The following AKNA variants were observed in gnomAD, a reference collection of about 807,000 sequenced individuals.
The protein encoded by AKNA is AT-hook transcription factor, also known as microtubule organization protein AKNA.
AKNA carries 67 observed loss-of-function variants against 138.8 expected under a neutral mutation model. That is an observed-to-expected ratio of 0.48 (90% confidence interval 0.40 to 0.59). The LOEUF (loss-of-function observed/expected upper bound fraction) is 0.59. AKNA is among the 20% of genes least tolerant of loss of function. The pLI is 0.00. For missense variants in AKNA, 1,813 were observed against 1,880.4 expected (o/e 0.96, Z 0.66); for synonymous variants, 737 against 754.4 (o/e 0.98, Z 0.38).
chr9:114,366,979 CTTCT>C (rs1319731276), intron 6 of AKNA, among the ~76,000 whole-genome samples: 2 of 152,170 alleles, frequency 1.3e-5, no homozygotes, highest in African/African-American at 4.8e-5. Context: ...AGTTTTCTCA[CTTCT>C]GTTTTCAGAA....
Position 114,364,547 on chromosome 9 carries a change from A to T in AKNA, c.1788+13T>A, listed in dbSNP as rs1186586946. 1 of 1,613,642 alleles carries T rather than the reference A, an allele frequency of 6.2e-7. No homozygotes were observed. The highest frequency in any genetic ancestry group is 8.5e-7 in the Non-Finnish European group (1 of 1,179,990). ...CTGGCAGTTCCATGGGTGGCTCCTG[A>T]ATTGGGCAGTACCTTGACTTGGTCC... On this transcript the variant is annotated intron_variant, in intron 7 of 21. Coordinates refer to ENST00000374088, the MANE Select transcript of AKNA (RefSeq NM_001317950.2).
At position 114,341,744 on chromosome 9, in the gene AKNA, C is replaced by A; in HGVS notation, c.3875-19G>T. ...TCTGCCCCTATCAGGGAGGGAACAG[C>A]ACAGAGAGACAGAGTCTGACCACTT... On this transcript the variant is annotated intron_variant, in intron 20 of 21. Coordinates refer to ENST00000374088, the MANE Select transcript of AKNA (RefSeq NM_001317950.2). 2 of 1,542,542 alleles carry A rather than the reference C, an allele frequency of 1.3e-6. No homozygotes were observed. Among genetic ancestry groups the A allele is most frequent in the South Asian group, 2.6e-5 (2 of 78,370 alleles).
chr9:114,380,920 C>G (rs1456647005), intron 2 of AKNA, 140 bp downstream of exon 2: 62 of 973,962 alleles, frequency 6.4e-5, no homozygotes, highest in Non-Finnish European at 8.0e-5. Flanking sequence ...GAGGCAGAGG[C>G]TGTAGTGAGC....
intron 5 of AKNA, 151 bp downstream of exon 5, chr9:114,368,288 C>G: frequency 1.1e-6 from 1 of 889,212 alleles, no homozygotes; most frequent in Non-Finnish European, 1.5e-6. Context: ...ATCTCTGACC[C>G]TTTTGAGTCA....
chr9:114,384,277 C>A (rs1833883572), intron 1 of AKNA, among the ~76,000 whole-genome samples: 3 of 152,090 alleles, frequency 2.0e-5, no homozygotes, highest in African/African-American at 7.2e-5. Flanking sequence ...TAAAAAGATG[C>A]AATCGAAAAT....
chr9:114,387,228 C>T (rs1438636328), intron 1 of AKNA, among the ~76,000 whole-genome samples: 1 of 152,186 alleles, frequency 6.6e-6, no homozygotes, highest in Non-Finnish European at 1.5e-5. Context: ...AAGGGGTTCC[C>T]ACCAGCTGTG....
At chr9:114,368,849 G>C (rs1832564101) in intron 4 of AKNA, among the ~76,000 whole-genome samples, 1 of 152,198 alleles carries the variant, frequency 6.6e-6, no homozygotes, top group Non-Finnish European at 1.5e-5. Context: ...CTGAGACACA[G>C]AGAGGTTATT....
chr9:114,331,887 G>A (rs1829859652), downstream of AKNA: 1 of 1,613,888 alleles, frequency 6.2e-7, no homozygotes, highest in Non-Finnish European at 8.5e-7. Context: ...TCGACTGCTT[G>A]TGCATTCCCA....
At chr9:114,346,808 T>C in intron 16 of AKNA, 24 bp from the exon 17 acceptor site, 1 of 1,595,854 alleles carries the variant, frequency 6.3e-7, no homozygotes, top group South Asian at 1.1e-5. Context: ...AGAGAGATGA[T>C]GTCATTGGAT....
chr9:114,332,214 G>A (rs1339677084), downstream of AKNA, among the ~76,000 whole-genome samples: 2 of 151,900 alleles, frequency 1.3e-5, no homozygotes, highest in Non-Finnish European at 2.9e-5. Flanking sequence ...TGGAGGGGAC[G>A]TAATGCGGGG....
At chr9:114,342,909 C>A (rs576713750) in intron 19 of AKNA, among the ~76,000 whole-genome samples, 1 of 152,184 alleles carries the variant, frequency 6.6e-6, no homozygotes, top group Non-Finnish European at 1.5e-5. Flanking sequence ...AACGGAGAGG[C>A]CTGTCAGGAC....
At position 114,335,873 on chromosome 9, in the gene AKNA, GC is replaced by G. The variant is rs1829970808; in HGVS notation, c.*1180del. 6.6e-6 allele frequency: 1 copy of G among 152,108 alleles called. No individual in the cohort carries two copies. Among genetic ancestry groups the G allele is most frequent in the Non-Finnish European group, 1.5e-5 (1 of 68,046 alleles). The allele number at this position is 152,108 out of a possible 1,614,324, so 9.4% of individuals were successfully genotyped here. Reference sequence around the variant, plus strand: ...TCTTGTAGACAGCAACTTGCTGTGTGCCTCATTTACATCTCTGGCCTCAGTC... The same window carrying G: ...TCTTGTAGACAGCAACTTGCTGTGTGCTCATTTACATCTCTGGCCTCAGTC... On this transcript the variant is annotated 3_prime_UTR_variant, in exon 22 of 22. Transcript: ENST00000374088.
At chr9:114,373,364 G>T (rs1250569208) in intron 4 of AKNA, among the ~76,000 whole-genome samples, 1 of 152,200 alleles carries the variant, frequency 6.6e-6, no homozygotes, top group Non-Finnish European at 1.5e-5. Context: ...GGGAGAGGCT[G>T]TGGTGAGGTG....
At position 114,376,755 on chromosome 9, in the gene AKNA, C is replaced by T. The variant is rs552700642; in HGVS notation, c.1052G>A (p.Arg351Gln). The stretch of plus-strand genomic sequence containing the variant: ...AGGGAGTGGGTAGTTCAACTGCCCC[C>T]GGCCATACTTGGGGGCATTAGAAGA... ...RSSSNAPKYG[R>Q]GQLNYPLPDF... The change falls in exon 3 of 22, where the codon CGG becomes CAG. Residue 351 changes from arginine to glutamine, a missense_variant. Transcript: ENST00000374088. The T allele has an allele frequency of 6.9e-5, 112 of 1,612,548 alleles. 1 individual carries two copies. In the South Asian group the frequency reaches 8.9e-4, roughly 13 times the overall value.
At chr9:114,356,167 G>A (rs1263876317) in intron 13 of AKNA, 31 bp from the exon 14 acceptor site, 7 of 1,592,256 alleles carry the variant, frequency 4.4e-6, no homozygotes, top group African/African-American at 1.3e-5. Flanking sequence ...GGACACACAG[G>A]GGTCACACAG....
chr9:114,376,385 AG>A (rs1589017315), intron 3 of AKNA, 80 bp downstream of exon 3: 4 of 1,330,228 alleles, frequency 3.0e-6, no homozygotes, highest in Non-Finnish European at 3.1e-6. Context: ...CCTCTACTCC[AG>A]GCCTCCCCAC....
At chr9:114,385,782 G>A (rs1833988851) in intron 1 of AKNA, among the ~76,000 whole-genome samples, 1 of 152,218 alleles carries the variant, frequency 6.6e-6, no homozygotes, top group Non-Finnish European at 1.5e-5. Flanking sequence ...CAAAGCCCCA[G>A]AACTGGCCAG....
upstream of AKNA, among the ~76,000 whole-genome samples, chr9:114,397,818 G>A (rs1834578109): frequency 6.6e-6 from 1 of 152,172 alleles, no homozygotes; most frequent in Non-Finnish European, 1.5e-5. Context: ...ACCATTGTCA[G>A]GGCTGCCTAC....
At chr9:114,364,168 G>GGA (rs1165691707) in intron 7 of AKNA, among the ~76,000 whole-genome samples, 1 of 151,812 alleles carries the variant, frequency 6.6e-6, no homozygotes, top group African/African-American at 2.4e-5. Context: ...TTATGACCCT[G>GGA]GATTTGAAAG....
Sources: gnomAD v4.1 joint callset for allele counts (sites outside exome capture counted in the v4.1 genomes callset) on GRCh38, gnomAD v4.1.1 for gene constraint, MANE v1.5 for transcripts, NCBI Gene and HGNC (gene_info 2026-07-23, HGNC 2026-07-21) for gene names.